The following PPP2R5E variants were observed in gnomAD, a reference collection of about 807,000 sequenced individuals.
PPP2R5E encodes serine/threonine-protein phosphatase 2A 56 kDa regulatory subunit epsilon isoform.
Under a neutral mutation model 65.3 loss-of-function variants are expected in PPP2R5E, and 4 were observed. The ratio of observed to expected loss-of-function variants is 0.06; its 90% CI spans 0.03 to 0.14. The LOEUF (loss-of-function observed/expected upper bound fraction) is 0.14, where lower values mean the gene tolerates loss of function less well. Among genes scored for constraint, PPP2R5E ranks in the 10% least tolerant of loss-of-function variants. PPP2R5E has a pLI of 1.00. For missense variants in PPP2R5E, 274 were observed against 556.1 expected (o/e 0.49, Z 5.10); for synonymous variants, 183 against 187.4 (o/e 0.98, Z 0.19).
At chr14:63,482,477 A>C (rs2016629) in intron 2 of PPP2R5E, among the ~76,000 whole-genome samples, 53,410 of 151,916 alleles carry the variant, frequency 0.35, 12,974 homozygotes, top group African/African-American at 0.7. Flanking sequence ...ACAACAACAA[A>C]AAAAAACTGT....
chr14:63,522,290 G>C (rs975314358), intron 2 of PPP2R5E, among the ~76,000 whole-genome samples: 6 of 151,710 alleles, frequency 4.0e-5, no homozygotes, highest in Non-Finnish European at 7.4e-5. Context: ...ATCTCGGCTC[G>C]CTACAACCTC....
chr14:63,378,439 A>G (rs995204927), intron 13 of PPP2R5E, among the ~76,000 whole-genome samples: 10 of 152,166 alleles, frequency 6.6e-5, no homozygotes, highest in African/African-American at 2.4e-4. Context: ...TAAATTGGTT[A>G]ATTAAGTGTT....
intron 8 of PPP2R5E, among the ~76,000 whole-genome samples, chr14:63,393,359 T>C (rs565464331): frequency 6.6e-6 from 1 of 152,268 alleles, no homozygotes; most frequent in South Asian, 2.1e-4. Flanking sequence ...AAAAAATGCA[T>C]ACATTTTTAT....
Position 63,463,746 on chromosome 14 carries a change from G to A in PPP2R5E, c.158-9861C>T, listed in dbSNP as rs150273404. On this transcript the variant is annotated intron_variant, in intron 2 of 13. Coordinates refer to ENST00000337537, the MANE Select transcript of PPP2R5E (RefSeq NM_006246.5). ...CGAGTAGCTGGGAATACAGGCGCCC[G>A]CCACCATGCCCGGCTACTTTTTTGT... is the stretch of plus-strand genomic sequence containing the variant. 6.5e-3 allele frequency among the ~76,000 whole-genome samples: 989 copies of A among 151,636 alleles called. 9 individuals are homozygous for A. Among genetic ancestry groups the A allele is most frequent in the African/African-American group, 0.022 (924 of 41,356 alleles).
intron 2 of PPP2R5E, among the ~76,000 whole-genome samples, chr14:63,526,946 G>T (rs1312321812): frequency 1.3e-5 from 2 of 152,168 alleles, no homozygotes; most frequent in African/African-American, 2.4e-5. Flanking sequence ...AAGGCGGGCG[G>T]ATCACCTGAG....
At chr14:63,404,610 T>C (rs527367869) in intron 5 of PPP2R5E, among the ~76,000 whole-genome samples, 5 of 152,278 alleles carry the variant, frequency 3.3e-5, no homozygotes, top group African/African-American at 1.2e-4. Context: ...CATCAAAAGG[T>C]TGCGATCACA....
intron 2 of PPP2R5E, among the ~76,000 whole-genome samples, chr14:63,522,963 G>C (rs1457313662): frequency 1.4e-5 from 2 of 144,550 alleles, no homozygotes; most frequent in Admixed American, 6.8e-5. Flanking sequence ...GAGGTGGGGG[G>C]GTCAGCCCCC....
chr14:63,411,362 A>G (rs1475082443), intron 5 of PPP2R5E, among the ~76,000 whole-genome samples: 1 of 152,220 alleles, frequency 6.6e-6, no homozygotes, highest in Non-Finnish European at 1.5e-5. Context: ...AAAGGCTCCT[A>G]TCTCAACCCT....
At chr14:63,526,492 TTCTC>T (rs914017049) in intron 2 of PPP2R5E, among the ~76,000 whole-genome samples, 4 of 152,198 alleles carry the variant, frequency 2.6e-5, no homozygotes, top group Admixed American at 6.5e-5. Flanking sequence ...GGAAACAACT[TTCTC>T]TCTTTCTGTC....
chr14:63,534,974 G>T (rs1437757087), intron 2 of PPP2R5E, among the ~76,000 whole-genome samples: 1 of 152,198 alleles, frequency 6.6e-6, no homozygotes, highest in Non-Finnish European at 1.5e-5. Context: ...TAAAGATGGA[G>T]AAAATGTAAA....
At chr14:63,451,284 T>C (rs1267847091) in intron 3 of PPP2R5E, 3 of 152,240 alleles carry the variant, frequency 2.0e-5, no homozygotes, top group Non-Finnish European at 4.4e-5. Flanking sequence ...ATTAGCTTTA[T>C]TCATAATTGC....
At chr14:63,382,030 CT>C in intron 13 of PPP2R5E, 25 bp downstream of exon 13, 1 of 1,575,262 alleles carries the variant, frequency 6.3e-7, no homozygotes, top group Non-Finnish European at 8.7e-7. Context: ...TTATGCACAG[CT>C]GACAAAAAAG....
intron 10 of PPP2R5E, among the ~76,000 whole-genome samples, chr14:63,391,492 G>A (rs1371504198): frequency 1.3e-5 from 2 of 152,054 alleles, no homozygotes; most frequent in East Asian, 1.9e-4. Context: ...GCACCATCTC[G>A]GCTCACTGCA....
intron 3 of PPP2R5E, among the ~76,000 whole-genome samples, chr14:63,437,176 A>G (rs937601404): frequency 1.3e-5 from 2 of 152,172 alleles, no homozygotes; most frequent in Non-Finnish European, 2.9e-5. Flanking sequence ...GTTACCCTAT[A>G]TGGTCTAAAA....
intron 2 of PPP2R5E, among the ~76,000 whole-genome samples, chr14:63,487,302 A>T (rs1891044781): frequency 1.3e-5 from 2 of 152,212 alleles, no homozygotes; most frequent in Non-Finnish European, 2.9e-5. Flanking sequence ...GAGAAATGTG[A>T]TATAGTCCAG....
chr14:63,395,218 G>A lies in PPP2R5E; in HGVS notation c.740+8C>T, dbSNP rs777509996. 1.4e-5 allele frequency: 22 copies of A among 1,604,384 alleles called. No homozygotes were observed. The highest frequency in any genetic ancestry group is 4.5e-5 in the East Asian group (2 of 44,806). ...TCTGAGATTAGCAATTAGAAAAACC[G>A]TGCTCACCTTCCTAATATTTCCAGC... On this transcript the variant is annotated splice_region_variant and intron_variant, in intron 7 of 13. Transcript: ENST00000337537.
At chr14:63,528,376 A>G (rs1893267169) in intron 2 of PPP2R5E, among the ~76,000 whole-genome samples, 1 of 152,234 alleles carries the variant, frequency 6.6e-6, no homozygotes, top group African/African-American at 2.4e-5. Flanking sequence ...ATCAGTCCTC[A>G]AATACGCAGA....
At position 63,375,262 on chromosome 14, in the gene PPP2R5E, G is replaced by C. The variant is rs186835749; in HGVS notation, c.*747C>G. On this transcript the variant is annotated 3_prime_UTR_variant, in exon 14 of 14. Transcript: ENST00000337537. ...TGAAGCCTGTGATGTCCCAGTGCCT[G>C]TTTTCAAAGGATTCAAGACATTGAT... The C allele has an allele frequency of 2.8e-4, 42 of 152,706 alleles. No individual in the cohort carries two copies. The highest frequency in any genetic ancestry group is 4.7e-4 in the Non-Finnish European group (32 of 68,002). The allele number at this position is 152,706 out of a possible 1,614,324, so 9.5% of individuals were successfully genotyped here.
chr14:63,523,019 C>T (rs1281001650), intron 2 of PPP2R5E, among the ~76,000 whole-genome samples: 4 of 150,458 alleles, frequency 2.7e-5, no homozygotes, highest in Admixed American at 6.6e-5. Flanking sequence ...CGCCTCTGCC[C>T]GGCCGCCCCT....
Sources: gnomAD v4.1 joint callset for allele counts (sites outside exome capture counted in the v4.1 genomes callset) on GRCh38, gnomAD v4.1.1 for gene constraint, MANE v1.5 for transcripts, NCBI Gene and HGNC (gene_info 2026-07-23, HGNC 2026-07-21) for gene names.